The following CDH23 variants were observed in gnomAD, a reference collection of about 807,000 sequenced individuals.
CDH23 encodes cadherin-23.
In CDH23, 189 loss-of-function variants were observed where a neutral mutation model predicts 317.1. That is an observed-to-expected ratio of 0.60 (90% CI 0.53 to 0.67). CDH23 has a LOEUF of 0.67. Ranked by LOEUF, CDH23 falls within the 30% of genes least tolerant of loss-of-function variation. CDH23 has a pLI of 0.00. For missense variants in CDH23, 4,401 were observed against 4,592.4 expected (o/e 0.96, Z 1.20); for synonymous variants, 1,839 against 1,876.8 (o/e 0.98, Z 0.52).
At chr10:71,468,691 A>T (rs1439953843) in intron 3 of CDH23, among the ~76,000 whole-genome samples, 1 of 151,940 alleles carries the variant, frequency 6.6e-6, no homozygotes, top group African/African-American at 2.4e-5. Flanking sequence ...GCTTTTGGGA[A>T]CTCACGATTC....
chr10:71,784,440 C>T lies in CDH23; in HGVS notation c.5502+20C>T. On this transcript the variant is annotated intron_variant, in intron 42 of 69. Transcript: ENST00000224721. ...TCCACAGTGAGTCTGGGGGCCCCAC[C>T]CGCTGGCTTCACCTCGCTGCCCCTG... The T allele has an allele frequency of 6.2e-7, 1 of 1,608,476 alleles. No individual in the cohort carries two copies. The highest frequency in any genetic ancestry group is 1.1e-5 in the South Asian group (1 of 90,400).
chr10:71,419,072 A>C (rs1848641260), intron 1 of CDH23, among the ~76,000 whole-genome samples: 1 of 152,212 alleles, frequency 6.6e-6, no homozygotes, highest in African/African-American at 2.4e-5. Context: ...TAGGGGTTTC[A>C]TAGCATGACT....
chr10:71,483,469 T>G (rs552087744), intron 3 of CDH23, among the ~76,000 whole-genome samples: 12 of 152,270 alleles, frequency 7.9e-5, no homozygotes, highest in African/African-American at 2.6e-4. Context: ...CTCATCTTGC[T>G]CCTCACTTTG....
In CDH23 at chr10:71,806,246, A is replaced by T; in HGVS notation, c.8143A>T (p.Ile2715Phe). The T allele has an allele frequency of 6.4e-7, 1 of 1,571,838 alleles. No individual in the cohort carries two copies. The highest frequency in any genetic ancestry group is 1.2e-5 in the South Asian group (1 of 85,502). ...GCCGCTGCAGGTGGCCCTGGAGGACATCGATGACAACGAACCCCTTTTCGT... is the reference window on the plus strand; with the variant it reads ...GCCGCTGCAGGTGGCCCTGGAGGACTTCGATGACAACGAACCCCTTTTCGT... ...MQPLQVALED[I>F]DDNEPLFVRP... is the part of the protein sequence containing the mutation. The change falls in exon 57 of 70, where the codon ATC (isoleucine) becomes TTC (phenylalanine). Residue 2715 changes from isoleucine to phenylalanine, a missense_variant. Physicochemically the swap from Ile to Phe is conservative, Grantham distance 21 (BLOSUM62 0). Around this residue, in one of 3 missense-constraint regions of CDH23, gnomAD observed 1,144 missense variants for 1,138.2 expected, o/e 1.01. Coordinates refer to ENST00000224721, the MANE Select transcript of CDH23 (RefSeq NM_022124.6).
intron 38 of CDH23, chr10:71,760,723 G>A (rs1196577825): frequency 1.4e-6 from 1 of 735,430 alleles, no homozygotes; most frequent in African/African-American, 1.7e-5. Flanking sequence ...GAAGCAGAAG[G>A]GATGTGCAGC....
chr10:71,813,449 T>G (rs1340716116), intron 69 of CDH23, 101 bp downstream of exon 69: 9 of 1,056,090 alleles, frequency 8.5e-6, no homozygotes, highest in African/African-American at 1.6e-5. Context: ...TCTGGAGCTC[T>G]GCAGCCAGGA....
chr10:71,733,924 G>A (rs1429641749), intron 32 of CDH23, among the ~76,000 whole-genome samples: 1 of 152,230 alleles, frequency 6.6e-6, no homozygotes, highest in Non-Finnish European at 1.5e-5. Context: ...AGAGTTCTCA[G>A]GCTAGAAGTG....
At position 71,449,830 on chromosome 10, in the gene CDH23, G is replaced by A. The variant is rs188353690; in HGVS notation, c.145+3435G>A. On this transcript the variant is annotated intron_variant, in intron 3 of 69. Transcript: ENST00000224721. Reference sequence around the variant, plus strand: ...AGTGGCCTGGGAGCAGAATGGGAGGGCACAGCATGGCCATCTGAAATCCCT... The same window carrying A: ...AGTGGCCTGGGAGCAGAATGGGAGGACACAGCATGGCCATCTGAAATCCCT... 3.5e-3 allele frequency among the ~76,000 whole-genome samples: 532 copies of A among 152,330 alleles called. 2 individuals carry two copies. Among genetic ancestry groups the A allele is most frequent in the Non-Finnish European group, 5.8e-3 (397 of 68,018 alleles).
chr10:71,603,754 A>G (rs1860371421), intron 9 of CDH23, among the ~76,000 whole-genome samples: 1 of 152,232 alleles, frequency 6.6e-6, no homozygotes, highest in African/African-American at 2.4e-5. Context: ...TGTGAGACCC[A>G]AAAGACCCAG....
chr10:71,689,197 C>CCAACGGTGGTGGAGT (rs1865088257), intron 19 of CDH23, among the ~76,000 whole-genome samples: 1 of 91,208 alleles, frequency 1.1e-5, no homozygotes, highest in African/African-American at 4.8e-5. Context: ...GGTGGTGGAG[C>CCAACGGTGGTGGAGT]CAGGGTTGGT....
At chr10:71,658,031 G>T (rs1190834353) in intron 14 of CDH23, among the ~76,000 whole-genome samples, 1 of 152,204 alleles carries the variant, frequency 6.6e-6, no homozygotes, top group Non-Finnish European at 1.5e-5. Flanking sequence ...GGTGTCTACG[G>T]ATGTACTTCT....
intron 14 of CDH23, among the ~76,000 whole-genome samples, chr10:71,668,859 T>A (rs1343962854): frequency 1.3e-5 from 2 of 152,196 alleles, no homozygotes; most frequent in Non-Finnish European, 2.9e-5. Context: ...GTATTTATTT[T>A]TTTCCTTTTT....
chr10:71,428,790 A>G (rs978195258), intron 1 of CDH23, among the ~76,000 whole-genome samples: 3 of 151,956 alleles, frequency 2.0e-5, no homozygotes, highest in African/African-American at 7.3e-5. Flanking sequence ...GGTTTTTACC[A>G]TGTTGGCCAG....
chr10:71,573,936 A>G (rs1841973296), intron 8 of CDH23, among the ~76,000 whole-genome samples: 1 of 152,124 alleles, frequency 6.6e-6, no homozygotes, highest in African/African-American at 2.4e-5. Flanking sequence ...CTGCAGGCCG[A>G]TTCCCTTGCA....
At chr10:71,489,793 T>A (rs1240013872) in intron 3 of CDH23, among the ~76,000 whole-genome samples, 12 of 152,344 alleles carry the variant, frequency 7.9e-5, no homozygotes, top group Non-Finnish European at 8.8e-5. Flanking sequence ...AATTCTTCAC[T>A]TAAGGATTTT....
chr10:71,700,980 C>T (rs969045358), intron 22 of CDH23, among the ~76,000 whole-genome samples: 3 of 152,218 alleles, frequency 2.0e-5, no homozygotes, highest in African/African-American at 7.2e-5. Context: ...CTGTCATCAC[C>T]GAGTGTCCTG....
intron 41 of CDH23, among the ~76,000 whole-genome samples, chr10:71,782,276 T>C (rs146468599): frequency 1.3e-5 from 2 of 152,186 alleles, no homozygotes; most frequent in Admixed American, 6.5e-5. Flanking sequence ...CTTTCCTACA[T>C]CCTCACCCTC....
chr10:71,643,914 G>C (rs1862696855), intron 12 of CDH23, 48 bp downstream of exon 12: 1 of 765,712 alleles, frequency 1.3e-6, no homozygotes, highest in African/African-American at 1.7e-5. Flanking sequence ...GAGGGCTTGT[G>C]GTGGGCACAG....
chr10:71,799,685 A>G (rs137879535), intron 52 of CDH23, 56 bp downstream of exon 52: 2 of 1,611,404 alleles, frequency 1.2e-6, no homozygotes, highest in East Asian at 2.2e-5. Context: ...AGGGTCAGAG[A>G]CTGAGCAGCC....
Sources: gnomAD v4.1 joint callset for allele counts (sites outside exome capture counted in the v4.1 genomes callset) on GRCh38, gnomAD v4.1.1 for gene constraint, gnomAD v4.1.1 regional missense constraint, MANE v1.5 for transcripts, NCBI Gene and HGNC (gene_info 2026-07-23, HGNC 2026-07-21) for gene names.